Variants in NIPAL3 observed in about 807,000 individuals in gnomAD.
NIPAL3 encodes NIPA like domain containing 3.
Under a neutral mutation model 47.2 loss-of-function variants are expected in NIPAL3, and 41 were observed. The ratio of observed to expected loss-of-function variants is 0.87; its 90% CI spans 0.68 to 1.13. The LOEUF (loss-of-function observed/expected upper bound fraction) is 1.13, where lower values mean the gene tolerates loss of function less well. NIPAL3 is among the 50% of genes most tolerant of loss of function. The pLI, the probability that NIPAL3 is intolerant of heterozygous loss-of-function variation, is 0.00. For missense variants in NIPAL3, 449 were observed against 530.1 expected (o/e 0.85, Z 1.50); for synonymous variants, 194 against 209.6 (o/e 0.93, Z 0.64).
Position 24,469,231 on chromosome 1 carries a change from G to T in NIPAL3, c.*46G>T. 6.6e-7 allele frequency: 1 copy of T among 1,518,232 alleles called. No individual in the cohort carries two copies. Among genetic ancestry groups the T allele is most frequent in the Non-Finnish European group, 9.0e-7 (1 of 1,110,652 alleles). 94.0% of individuals were successfully genotyped at this position (1,518,232 alleles called of 1,614,324 possible). A position where few individuals can be genotyped will look rare whatever the true frequency, so the allele number is the denominator to read the frequency against. On this transcript the variant is annotated 3_prime_UTR_variant, in exon 12 of 12. Transcript: ENST00000374399. ...TAACTGTCCCCTCCAGGCTGACAGT[G>T]GTTCAACCCTGAATCCTAAAACTTG... is the stretch of plus-strand genomic sequence containing the variant.
At chr1:24,415,953 G>GT (rs1456869975) in intron 1 of NIPAL3, 49 bp downstream of exon 1, 1 of 984,542 alleles carries the variant, frequency 1.0e-6, no homozygotes, top group Non-Finnish European at 1.2e-6. Context: ...TTTAACCTTC[G>GT]TTTTTTTCTG....
chr1:24,425,727 C>A (rs1193325364), intron 2 of NIPAL3, among the ~76,000 whole-genome samples: 3 of 152,136 alleles, frequency 2.0e-5, no homozygotes, highest in African/African-American at 7.2e-5. Context: ...TGGGGAAAAT[C>A]ATGTAATGCC....
intron 2 of NIPAL3, among the ~76,000 whole-genome samples, chr1:24,433,485 GC>G (rs1219604144): frequency 1.3e-5 from 2 of 152,196 alleles, no homozygotes; most frequent in African/African-American, 4.8e-5. Flanking sequence ...CTAAATTTTA[GC>G]TATAGTCCTT....
intron 7 of NIPAL3, among the ~76,000 whole-genome samples, chr1:24,455,571 C>G (rs543537051): frequency 2.0e-5 from 3 of 152,056 alleles, no homozygotes; most frequent in Non-Finnish European, 4.4e-5. Flanking sequence ...GTAATCCCAG[C>G]TATTAGGGAG....
intron 2 of NIPAL3, among the ~76,000 whole-genome samples, chr1:24,432,905 A>G (rs545843957): frequency 4.6e-5 from 7 of 152,302 alleles, no homozygotes; most frequent in African/African-American, 1.4e-4. Context: ...ATCACCTCCC[A>G]CTGGCATGTG....
intron 6 of NIPAL3, among the ~76,000 whole-genome samples, chr1:24,452,844 G>T (rs988117943): frequency 2.7e-5 from 4 of 145,920 alleles, no homozygotes; most frequent in Non-Finnish European, 4.5e-5. Context: ...ATGCCACCAC[G>T]CCCAGCTAAT....
At chr1:24,436,359 A>G (rs551394632) in intron 2 of NIPAL3, among the ~76,000 whole-genome samples, 44 of 151,706 alleles carry the variant, frequency 2.9e-4, no homozygotes, top group African/African-American at 1.0e-3. Flanking sequence ...TTCTTCGCCT[A>G]CAAGTTTGGG....
chr1:24,456,350 G>T, intron 8 of NIPAL3, 77 bp downstream of exon 8: 1 of 1,590,932 alleles, frequency 6.3e-7, no homozygotes. Flanking sequence ...GACGTATGCT[G>T]TGAAGCCACA....
rs995170428 is a variant in NIPAL3 at position 24,437,875 on chromosome 1, G to A, written c.94-2297G>A. ...TCCTCCCCAGCAAAATCAGGGTGTC[G>A]TTTATCAGAAGAAAAGGAAAGGATT... On this transcript the variant is annotated intron_variant, in intron 2 of 11. Transcript: ENST00000374399. Among the ~76,000 whole-genome samples the A allele has an allele frequency of 5.3e-5, 8 of 152,134 alleles. No individual in the cohort carries two copies. In the East Asian group the frequency reaches 5.8e-4, roughly 11 times the overall value.
chr1:24,465,882 A>G, intron 11 of NIPAL3: 1 of 1,377,660 alleles, frequency 7.3e-7, no homozygotes, highest in South Asian at 1.7e-5. Context: ...CACTTGTTTG[A>G]CCTGGTGGCA....
intron 5 of NIPAL3, among the ~76,000 whole-genome samples, chr1:24,446,143 A>G (rs1185606707): frequency 6.6e-6 from 1 of 151,662 alleles, no homozygotes; most frequent in African/African-American, 2.4e-5. Flanking sequence ...CAAGCAACTA[A>G]ATGAAATAAT....
At chr1:24,427,998 A>C (rs1327961153) in intron 2 of NIPAL3, among the ~76,000 whole-genome samples, 1 of 152,132 alleles carries the variant, frequency 6.6e-6, no homozygotes, top group Non-Finnish European at 1.5e-5. Context: ...GTAATCCCAG[A>C]ACTCTGGAAG....
intron 8 of NIPAL3, 70 bp downstream of exon 8, chr1:24,456,343 G>A (rs981914551): frequency 2.4e-5 from 39 of 1,597,616 alleles, no homozygotes; most frequent in South Asian, 1.0e-4. Flanking sequence ...GCCTGATGAC[G>A]TATGCTGTGA....
At position 24,415,873 on chromosome 1, in the gene NIPAL3, T is replaced by C; in HGVS notation, c.-289T>C. The C allele has an allele frequency of 1.0e-6, 1 of 985,440 alleles. No individual in the cohort carries two copies. The highest frequency in any genetic ancestry group is 1.2e-6 in the Non-Finnish European group (1 of 829,948). 61.0% of individuals were successfully genotyped at this position (985,440 alleles called of 1,614,324 possible). ...AGTCCGAGTCATTTCTCAGAAGGTT[T>C]TGATAGGTGGGCCTTAGAGGAGACG... On this transcript the variant is annotated 5_prime_UTR_variant, in exon 1 of 12. Coordinates refer to ENST00000374399, the MANE Select transcript of NIPAL3 (RefSeq NM_020448.5).
intron 2 of NIPAL3, among the ~76,000 whole-genome samples, chr1:24,430,900 TA>T (rs1400952871): frequency 6.6e-6 from 1 of 152,272 alleles, no homozygotes; most frequent in Non-Finnish European, 1.5e-5. Context: ...TTATGTAGTA[TA>T]ATGTATAAGT....
At chr1:24,467,796 A>G (rs1646762026) in intron 11 of NIPAL3, among the ~76,000 whole-genome samples, 1 of 151,956 alleles carries the variant, frequency 6.6e-6, no homozygotes. Flanking sequence ...TGGGTGACTG[A>G]GGCAGGAGGA....
chr1:24,440,189 C>T lies in NIPAL3; in HGVS notation c.111C>T (p.Ala37=), dbSNP rs753632884. The part of the protein sequence containing the change: ...SFSYKENLIG[A]LLAIFGHLVV... ...CCTTACAGGAAAACCTGATTGGCGC[C>T]CTCTTGGCGATCTTCGGGCACCTCG... The change falls in exon 3 of 12, where the codon GCC becomes GCT. Residue 37 remains alanine (A), a synonymous_variant. Coordinates refer to ENST00000374399, the MANE Select transcript of NIPAL3 (RefSeq NM_020448.5). The T allele has an allele frequency of 5.2e-5, 82 of 1,590,538 alleles. No homozygotes were observed. Among genetic ancestry groups the T allele is most frequent in the Non-Finnish European group, 3.4e-6 (4 of 1,169,180 alleles).
intron 2 of NIPAL3, among the ~76,000 whole-genome samples, chr1:24,431,672 T>C (rs558468251): frequency 6.6e-6 from 1 of 152,296 alleles, no homozygotes; most frequent in South Asian, 2.1e-4. Flanking sequence ...TCTTTCCATC[T>C]TCCCTGGACC....
Position 24,464,122 on chromosome 1 carries a change from T to C in NIPAL3, c.1021+2T>C. The C allele has an allele frequency of 6.2e-7, 1 of 1,612,248 alleles. No individual in the cohort carries two copies. The highest frequency in any genetic ancestry group is 8.5e-7 in the Non-Finnish European group (1 of 1,178,666). The stretch of plus-strand genomic sequence containing the variant: ...ATATTTCCATGGATGCCATGCCAGG[T>C]AAGGTTAAAGCCCCGTGGGTCTAGC... On this transcript the variant is annotated splice_donor_variant, in intron 11 of 11. Coordinates refer to ENST00000374399, the MANE Select transcript of NIPAL3 (RefSeq NM_020448.5). LOFTEE classifies it high-confidence loss of function.
Sources: allele counts gnomAD v4.1 joint callset (sites outside exome capture counted in the v4.1 genomes callset), GRCh38; gene constraint gnomAD v4.1.1; transcripts MANE v1.5; gene names NCBI Gene and HGNC (gene_info 2026-07-23, HGNC 2026-07-21).